Variants in TBC1D4 observed in about 807,000 individuals in gnomAD.
TBC1D4 encodes TBC1 domain family member 4, also known as TBC (Tre-2, BUB2, CDC16) domain-containing protein.
In TBC1D4, 121 loss-of-function variants were observed where a neutral mutation model predicts 142.5. That is an observed-to-expected ratio of 0.85 (90% CI 0.73 to 0.99). The LOEUF (loss-of-function observed/expected upper bound fraction) is 0.99, where lower values mean the gene tolerates loss of function less well. TBC1D4 is among the 50% of genes least tolerant of loss of function. TBC1D4 has a pLI of 0.00. For synonymous variants in TBC1D4, 630 were observed against 628.2 expected (o/e 1.00, Z -0.04); for missense variants, 1,475 against 1,606.6 (o/e 0.92, Z 1.40).
intron 1 of TBC1D4, among the ~76,000 whole-genome samples, chr13:75,417,812 A>G (rs1259860438): frequency 2.0e-5 from 3 of 152,206 alleles, no homozygotes; most frequent in Non-Finnish European, 4.4e-5. Flanking sequence ...TTTACCTTTT[A>G]GTTTCAACTC....
intron 1 of TBC1D4, among the ~76,000 whole-genome samples, chr13:75,363,609 C>G (rs911593651): frequency 1.3e-5 from 2 of 150,778 alleles, no homozygotes; most frequent in Non-Finnish European, 2.9e-5. Context: ...GTACTTCTTA[C>G]ATATATTGAC....
At chr13:75,383,566 A>T (rs764778036) in intron 1 of TBC1D4, among the ~76,000 whole-genome samples, 10 of 152,186 alleles carry the variant, frequency 6.6e-5, no homozygotes, top group African/African-American at 2.4e-5. Context: ...ACAGTACAAT[A>T]AGGCATTTTG....
intron 1 of TBC1D4, among the ~76,000 whole-genome samples, chr13:75,364,370 T>G (rs1195596795): frequency 6.6e-6 from 1 of 152,220 alleles, no homozygotes; most frequent in African/African-American, 2.4e-5. Flanking sequence ...GCTGTTGTAA[T>G]TATTTGGGAT....
intron 20 of TBC1D4, 89 bp downstream of exon 20, chr13:75,288,845 C>T: frequency 5.8e-6 from 8 of 1,371,378 alleles, no homozygotes; most frequent in Non-Finnish European, 8.3e-6. Flanking sequence ...ATGGTTCATT[C>T]CACGCACATA....
At chr13:75,464,178 C>T (rs986487396) in intron 1 of TBC1D4, among the ~76,000 whole-genome samples, 7 of 152,220 alleles carry the variant, frequency 4.6e-5, no homozygotes, top group Non-Finnish European at 8.8e-5. Flanking sequence ...GAGCCCCTGG[C>T]TGTTGGGAAC....
chr13:75,412,523 T>C (rs1178647791), intron 1 of TBC1D4, among the ~76,000 whole-genome samples: 1 of 152,130 alleles, frequency 6.6e-6, no homozygotes, highest in Non-Finnish European at 1.5e-5. Context: ...AAGGCTGGTC[T>C]CAAACTCCTG....
chr13:75,318,531 C>T (rs1388186294), intron 12 of TBC1D4, among the ~76,000 whole-genome samples: 1 of 152,146 alleles, frequency 6.6e-6, no homozygotes, highest in Non-Finnish European at 1.5e-5. Context: ...CTAAGTAAAA[C>T]AATTTCATTT....
At chr13:75,465,852 A>G (rs1888145352) in intron 1 of TBC1D4, among the ~76,000 whole-genome samples, 1 of 152,132 alleles carries the variant, frequency 6.6e-6, no homozygotes, top group South Asian at 2.1e-4. Context: ...CTTAACCCAC[A>G]CATTCCTTTC....
At chr13:75,301,091 T>C (rs1156637696) in intron 16 of TBC1D4, among the ~76,000 whole-genome samples, 2 of 152,226 alleles carry the variant, frequency 1.3e-5, no homozygotes, top group African/African-American at 4.8e-5. Flanking sequence ...ATTTTTCATA[T>C]GCCCTAATAT....
At chr13:75,376,232 A>G (rs978625677) in intron 1 of TBC1D4, among the ~76,000 whole-genome samples, 22 of 152,228 alleles carry the variant, frequency 1.4e-4, no homozygotes, top group African/African-American at 5.1e-4. Context: ...CTTATGATCA[A>G]CCTTCAAAGA....
At chr13:75,409,742 A>T (rs558297087) in intron 1 of TBC1D4, among the ~76,000 whole-genome samples, 1 of 152,334 alleles carries the variant, frequency 6.6e-6, no homozygotes, top group East Asian at 1.9e-4. Context: ...GAGGCAATAA[A>T]TGTTCTCTGC....
Position 75,399,913 on chromosome 13 carries a change from C to A in TBC1D4, c.499-37306G>T, listed in dbSNP as rs150868539. 7.2e-3 allele frequency among the ~76,000 whole-genome samples: 1,097 copies of A among 152,244 alleles called. 11 individuals carry two copies. Among genetic ancestry groups the A allele is most frequent in the African/African-American group, 0.024 (1,006 of 41,536 alleles). ...GTCAGACTACCAGGAGACTGACATG[C>A]TGTAAGGCAGGTCATGCTAGCGTTG... On this transcript the variant is annotated intron_variant, in intron 1 of 20. Transcript: ENST00000377636.
intron 1 of TBC1D4, among the ~76,000 whole-genome samples, chr13:75,377,849 T>A (rs1304399208): frequency 6.6e-6 from 1 of 151,806 alleles, no homozygotes; most frequent in Admixed American, 6.6e-5. Context: ...CTGATAGAGT[T>A]CACTGGTGAA....
At chr13:75,447,913 C>A (rs895888484) in intron 1 of TBC1D4, among the ~76,000 whole-genome samples, 1 of 152,046 alleles carries the variant, frequency 6.6e-6, no homozygotes, top group Non-Finnish European at 1.5e-5. Flanking sequence ...TGCAAAAAAA[C>A]CAGCTCAGGG....
In TBC1D4 at chr13:75,474,133, T is replaced by C. The variant is rs570073301; in HGVS notation, c.498+7137A>G. On this transcript the variant is annotated intron_variant, in intron 1 of 20. Transcript: ENST00000377636. ...ACCCAAGTGTGCATTCAGCACTAAT[T>C]ATTATTTTACAAACTTAATAAGCAT... is the stretch of plus-strand genomic sequence containing the variant. Among the ~76,000 whole-genome samples the C allele has an allele frequency of 2.6e-5, 4 of 152,364 alleles. No homozygotes were observed. The South Asian group carries it at 6.2e-4, about 24-fold the overall frequency.
At chr13:75,323,028 T>A (rs1878910483) in intron 11 of TBC1D4, among the ~76,000 whole-genome samples, 1 of 152,066 alleles carries the variant, frequency 6.6e-6, no homozygotes, top group East Asian at 1.9e-4. Flanking sequence ...TTTCTTAAAG[T>A]GAAAAAAAGG....
chr13:75,294,508 A>G (rs974972262), intron 18 of TBC1D4, among the ~76,000 whole-genome samples: 6 of 152,238 alleles, frequency 3.9e-5, no homozygotes, highest in African/African-American at 1.4e-4. Context: ...TGGGGGTAGA[A>G]ACATGTATAT....
intron 1 of TBC1D4, among the ~76,000 whole-genome samples, chr13:75,480,260 C>T (rs1431367356): frequency 1.3e-5 from 2 of 152,158 alleles, no homozygotes; most frequent in Admixed American, 6.5e-5. Context: ...ATGGTGCAAC[C>T]TGAGACTTTA....
intron 8 of TBC1D4, among the ~76,000 whole-genome samples, chr13:75,334,204 T>C (rs1593744830): frequency 1.3e-5 from 2 of 152,216 alleles, no homozygotes; most frequent in East Asian, 1.9e-4. Flanking sequence ...TATCTGTTGC[T>C]ATCATTTATG....
Sources: allele counts gnomAD v4.1 joint callset (sites outside exome capture counted in the v4.1 genomes callset), GRCh38; gene constraint gnomAD v4.1.1; transcripts MANE v1.5; gene names NCBI Gene and HGNC (gene_info 2026-07-23, HGNC 2026-07-21).